Variants in ELF1 observed in about 807,000 individuals in gnomAD.
ELF1 encodes the protein ETS-related transcription factor Elf-1.
ELF1 carries 24 observed loss-of-function variants against 59.9 expected under a neutral mutation model. The observed-to-expected ratio is 0.40, with a 90% CI of 0.29 to 0.56. ELF1 has a LOEUF of 0.56. Ranked by LOEUF, ELF1 falls within the 20% of genes least tolerant of loss-of-function variation. The probability of loss-of-function intolerance (pLI) is 0.44; values close to 1 mark genes in which losing one functional copy is unlikely to be tolerated. For missense variants in ELF1, 627 were observed against 742.2 expected (o/e 0.84, Z 1.80); for synonymous variants, 248 against 266.2 (o/e 0.93, Z 0.67).
At chr13:41,047,664 C>T (rs1392353222) in intron 1 of ELF1, among the ~76,000 whole-genome samples, 4 of 152,182 alleles carry the variant, frequency 2.6e-5, no homozygotes, top group African/African-American at 7.2e-5. Context: ...GGGTACCTGG[C>T]CGTGTGAGGT....
At chr13:41,049,512 G>C (rs1169561657) in intron 1 of ELF1, among the ~76,000 whole-genome samples, 1 of 152,120 alleles carries the variant, frequency 6.6e-6, no homozygotes, top group Non-Finnish European at 1.5e-5. Context: ...ACATGGCCTA[G>C]AATGTCTTAT....
rs527445297 is a variant in ELF1 at position 41,013,889 on chromosome 13, T to C, written c.-229+5339A>G. On this transcript the variant is annotated intron_variant, in intron 1 of 8. Transcript: ENST00000239882. ...TTAATAGTTTTATTATAAAATTTTA[T>C]AGTTTTACTATTTATGGGATTGTTT... 5.9e-5 allele frequency among the ~76,000 whole-genome samples: 9 copies of C among 152,148 alleles called. No homozygotes were observed. In the South Asian group the frequency reaches 1.2e-3, roughly 21 times the overall value.
chr13:40,939,491 C>CAAAT (rs1185521777), intron 8 of ELF1, among the ~76,000 whole-genome samples: 2 of 152,020 alleles, frequency 1.3e-5, no homozygotes, highest in Non-Finnish European at 2.9e-5. Context: ...CCTATCAACA[C>CAAAT]AAATACAAAC....
At chr13:40,965,897 T>C (rs1195238853) in intron 2 of ELF1, among the ~76,000 whole-genome samples, 2 of 152,206 alleles carry the variant, frequency 1.3e-5, no homozygotes, top group South Asian at 2.1e-4. Flanking sequence ...ATAAAATAAA[T>C]CAGACTATCT....
chr13:41,005,498 A>G (rs1325856989), intron 1 of ELF1, among the ~76,000 whole-genome samples: 5 of 151,346 alleles, frequency 3.3e-5, no homozygotes, highest in Non-Finnish European at 7.4e-5. Context: ...ACAACCTTTA[A>G]GCAACTGACT....
At chr13:40,984,414 A>G (rs1873446450) in intron 1 of ELF1, among the ~76,000 whole-genome samples, 1 of 152,134 alleles carries the variant, frequency 6.6e-6, no homozygotes, top group Non-Finnish European at 1.5e-5. Context: ...AAAATAAAAA[A>G]TTAGTTGGCT....
chr13:40,998,650 A>G (rs1480088204), intron 1 of ELF1, among the ~76,000 whole-genome samples: 5 of 152,228 alleles, frequency 3.3e-5, no homozygotes, highest in Non-Finnish European at 7.3e-5. Flanking sequence ...TTAATAAGTA[A>G]AACATATACA....
chr13:40,967,526 T>C (rs1337269008), intron 2 of ELF1, among the ~76,000 whole-genome samples: 3 of 152,260 alleles, frequency 2.0e-5, no homozygotes, highest in African/African-American at 7.2e-5. Flanking sequence ...CCCTTCAATA[T>C]TTGATACGGA....
upstream of ELF1, among the ~76,000 whole-genome samples, chr13:41,020,947 G>T (rs1875665394): frequency 6.6e-6 from 1 of 152,026 alleles, no homozygotes; most frequent in South Asian, 2.1e-4. Flanking sequence ...CAGAAAAAGT[G>T]AAATAGCTGA....
At chr13:41,010,491 G>GT (rs1874998273) in intron 1 of ELF1, among the ~76,000 whole-genome samples, 1 of 128,878 alleles carries the variant, frequency 7.8e-6, no homozygotes, top group Non-Finnish European at 1.5e-5. Context: ...GGTATGAGGT[G>GT]TATGTGTGTG....
chr13:40,945,713 T>C (rs1310206155), intron 5 of ELF1, among the ~76,000 whole-genome samples: 1 of 152,236 alleles, frequency 6.6e-6, no homozygotes, highest in Non-Finnish European at 1.5e-5. Flanking sequence ...TGTAGACCTT[T>C]TCATTTAATT....
chr13:41,052,791 T>A (rs1395056488), intron 1 of ELF1, among the ~76,000 whole-genome samples: 1 of 152,210 alleles, frequency 6.6e-6, no homozygotes, highest in Non-Finnish European at 1.5e-5. Flanking sequence ...TGTATCTAAA[T>A]AATACTAACC....
chr13:40,970,547 A>G (rs1202057208), intron 2 of ELF1, among the ~76,000 whole-genome samples: 1 of 152,244 alleles, frequency 6.6e-6, no homozygotes, highest in East Asian at 1.9e-4. Context: ...TGTATTCAAG[A>G]CTAAGGCAAG....
chr13:40,966,775 A>G (rs985959892), intron 2 of ELF1, among the ~76,000 whole-genome samples: 3 of 152,244 alleles, frequency 2.0e-5, no homozygotes, highest in African/African-American at 7.2e-5. Flanking sequence ...ACATCCCATC[A>G]AAATCCTCTC....
At chr13:41,006,837 AT>A (rs1394393193) in intron 1 of ELF1, among the ~76,000 whole-genome samples, 2 of 152,184 alleles carry the variant, frequency 1.3e-5, no homozygotes, top group Non-Finnish European at 2.9e-5. Context: ...TAAAATCTTA[AT>A]GGTATTTTTC....
intron 2 of ELF1, among the ~76,000 whole-genome samples, chr13:40,965,351 G>A (rs1872110103): frequency 6.6e-6 from 1 of 152,202 alleles, no homozygotes; most frequent in South Asian, 2.1e-4. Context: ...GCCGGGTGCA[G>A]TGGCTCACAC....
chr13:40,948,338 C>T (rs1195922067), intron 5 of ELF1, among the ~76,000 whole-genome samples: 1 of 152,108 alleles, frequency 6.6e-6, no homozygotes, highest in South Asian at 2.1e-4. Flanking sequence ...GATTTCTTTC[C>T]CCCAAGAGGG....
At chr13:40,993,090 G>C in intron 1 of ELF1, 2 of 1,608,102 alleles carry the variant, frequency 1.2e-6, no homozygotes, top group Non-Finnish European at 8.5e-7. Flanking sequence ...AAAATTTTGA[G>C]ACCAGGGCAA....
At chr13:40,952,607 C>T (rs189123541) in intron 3 of ELF1, among the ~76,000 whole-genome samples, 143 of 152,190 alleles carry the variant, frequency 9.4e-4, no homozygotes, top group African/African-American at 3.3e-3. Context: ...ATTCCTCAAG[C>T]CAGGCCTTGA....
Sources: allele counts gnomAD v4.1 joint callset (sites outside exome capture counted in the v4.1 genomes callset), GRCh38; gene constraint gnomAD v4.1.1; transcripts MANE v1.5; gene names NCBI Gene and HGNC (gene_info 2026-07-23, HGNC 2026-07-21).